IL17D: variants seen among roughly 807,000 people sequenced by gnomAD.
IL17D encodes interleukin-17D.
IL17D carries 10 observed loss-of-function variants against 5.7 expected under a neutral mutation model. The observed-to-expected ratio is 1.75, with a 90% CI of 1.08 to 2.97. The LOEUF is 2.97. IL17D is among the 30% of genes most tolerant of loss of function. The pLI, the probability that IL17D is intolerant of heterozygous loss-of-function variation, is 0.00. For missense variants in IL17D, 354 were observed against 292.7 expected (o/e 1.21, Z -1.53); for synonymous variants, 172 against 141.7 (o/e 1.21, Z -1.52).
At chr13:20,706,111 C>A (rs1309290681) in intron 1 of IL17D, among the ~76,000 whole-genome samples, 1 of 152,180 alleles carries the variant, frequency 6.6e-6, no homozygotes, top group African/African-American at 2.4e-5. Context: ...TGTGGCAGAG[C>A]CCCCTCAGAG....
At chr13:20,706,271 T>C (rs9506537) in intron 1 of IL17D, among the ~76,000 whole-genome samples, 98,272 of 152,154 alleles carry the variant, frequency 0.65, 33,129 homozygotes, top group Non-Finnish European at 0.75. Flanking sequence ...TTCCAGGACC[T>C]GAAGGGATGG....
rs1405764842 is a variant in IL17D, at chr13:20,718,754, GTGCTCACACACCCGCCCA to G, written c.291-2868_291-2851del. ...TGGCTACGCTCACACACACCTGCCTGTGCTCACACACCCGCCCATGCTCACACACCCACACACACCTGC... is the reference window on the plus strand; with the variant it reads ...TGGCTACGCTCACACACACCTGCCTGTGCTCACACACCCACACACACCTGC... On this transcript the variant is annotated intron_variant, in intron 1 of 1. Coordinates refer to ENST00000682841, the MANE Select transcript of IL17D (RefSeq NM_001385224.1). Among the ~76,000 whole-genome samples, 10 of 88,364 alleles carry G rather than the reference GTGCTCACACACCCGCCCA, an allele frequency of 1.1e-4. No homozygotes were observed. The South Asian group carries it at 2.9e-3, about 26-fold the overall frequency. 58.0% of individuals were successfully genotyped at this position (88,364 alleles called of 152,430 possible). A position where few individuals can be genotyped will look rare whatever the true frequency, so the allele number is the denominator to read the frequency against.
chr13:20,718,432 TCA>T (rs976752132), intron 1 of IL17D, among the ~76,000 whole-genome samples: 14 of 133,188 alleles, frequency 1.1e-4, no homozygotes, highest in East Asian at 4.4e-4. Flanking sequence ...GTGCCCGTGC[TCA>T]CACACCCGCC....
At chr13:20,719,302 C>T (rs1276928492) in intron 1 of IL17D, among the ~76,000 whole-genome samples, 1 of 148,426 alleles carries the variant, frequency 6.7e-6, no homozygotes, top group African/African-American at 2.5e-5. Context: ...CACCTGCCCA[C>T]ACTCACACCT....
At chr13:20,702,173 A>C (rs1418313117), upstream of IL17D, 1 of 152,246 alleles carries the variant, frequency 6.6e-6, no homozygotes, top group Non-Finnish European at 1.5e-5. Flanking sequence ...AACAAAGAAC[A>C]TGAACAATTT....
Position 20,704,170 on chromosome 13 carries a change from A to G in IL17D, c.169A>G (p.Thr57Ala). 1 of 1,372,148 alleles carries G rather than the reference A, an allele frequency of 7.3e-7. No individual in the cohort carries two copies. Among genetic ancestry groups the G allele is most frequent in the Non-Finnish European group, 9.5e-7 (1 of 1,055,634 alleles). 85.0% of individuals were successfully genotyped at this position (1,372,148 alleles called of 1,614,324 possible). The change falls in exon 1 of 2, where the codon ACG becomes GCG. Residue 57 changes from threonine (T) to alanine (A), a missense_variant. Thr to Ala is a moderately conservative substitution (Grantham distance 58). Coordinates refer to ENST00000682841, the MANE Select transcript of IL17D (RefSeq NM_001385224.1). ...CGGCGTGCTCAGTGCCTTCCACCAC[A>G]CGCTGCAGCTGGGGCCGCGTGAGCA... The part of the protein sequence containing the change: ...AAGVLSAFHH[T>A]LQLGPREQAR...
At chr13:20,708,740 C>A (rs1387612774) in intron 1 of IL17D, among the ~76,000 whole-genome samples, 1 of 150,568 alleles carries the variant, frequency 6.6e-6, no homozygotes, top group Non-Finnish European at 1.5e-5. Flanking sequence ...TGGCTCACGC[C>A]TGTAATCCCA....
At chr13:20,702,000 A>G (rs1209673003), upstream of IL17D, 1 of 152,252 alleles carries the variant, frequency 6.6e-6, no homozygotes, top group East Asian at 1.9e-4. Flanking sequence ...TAAGTCTGGT[A>G]CCATGTCACC....
At chr13:20,711,335 G>A (rs1366369069) in intron 1 of IL17D, among the ~76,000 whole-genome samples, 2 of 138,726 alleles carry the variant, frequency 1.4e-5, no homozygotes, top group East Asian at 6.1e-4. Flanking sequence ...CAAGGGTCTG[G>A]TGCTGGCATC....
In IL17D at chr13:20,703,979, CGTGGCCTGTCCCTCAG is replaced by C; in HGVS notation, c.-20_-5del. 1 of 1,006,330 alleles carries C rather than the reference CGTGGCCTGTCCCTCAG, an allele frequency of 9.9e-7. No homozygotes were observed. Among genetic ancestry groups the C allele is most frequent in the Non-Finnish European group, 1.2e-6 (1 of 845,384 alleles). 62.3% of individuals were successfully genotyped at this position (1,006,330 alleles called of 1,614,324 possible). On this transcript the variant is annotated 5_prime_UTR_variant, in exon 1 of 2. Coordinates refer to ENST00000682841, the MANE Select transcript of IL17D (RefSeq NM_001385224.1). ...TCCTCCGGCGCGTGCGGACGCTGAG[CGTGGCCTGTCCCTCAG>C]GTCTGGATGCTGGTAGCCGGCTTCC... is the stretch of plus-strand genomic sequence containing the variant.
intron 1 of IL17D, chr13:20,712,977 T>G (rs550093047): frequency 1.3e-5 from 2 of 149,640 alleles, no homozygotes; most frequent in East Asian, 4.1e-4. Flanking sequence ...CCCTCCCTTC[T>G]TTCCTTCCTT....
intron 1 of IL17D, among the ~76,000 whole-genome samples, chr13:20,718,766 C>T (rs1446108986): frequency 1.4e-5 from 2 of 143,498 alleles, no homozygotes; most frequent in Non-Finnish European, 3.0e-5. Context: ...GCTCACACAC[C>T]CGCCCATGCT....
At chr13:20,719,250 CA>C (rs2058712953) in intron 1 of IL17D, among the ~76,000 whole-genome samples, 1 of 150,748 alleles carries the variant, frequency 6.6e-6, no homozygotes, top group African/African-American at 2.4e-5. Context: ...CGCACCTGCC[CA>C]AACATGCCCA....
At chr13:20,706,309 C>G (rs1027145871) in intron 1 of IL17D, among the ~76,000 whole-genome samples, 2 of 152,208 alleles carry the variant, frequency 1.3e-5, no homozygotes, top group Non-Finnish European at 2.9e-5. Context: ...TCTCTAACCT[C>G]GTGTTATGCT....
Position 20,704,089 on chromosome 13 carries a change from G to C in IL17D, c.88G>C (p.Gly30Arg). Residue 30 changes from glycine to arginine, a missense_variant, in exon 1 of 2, where the codon GGC becomes CGC. Gly to Arg is a moderately radical substitution (Grantham distance 125). Transcript: ENST00000682841. ...GGGCAGGCGCCCCGCGCGGCCGCGGGGCTGCGCGGACCGGCCGGAGGAGCT... is the reference window on the plus strand; with the variant it reads ...GGGCAGGCGCCCCGCGCGGCCGCGGCGCTGCGCGGACCGGCCGGAGGAGCT... ...RAGRRPARPR[G>R]CADRPEELLE... 8.2e-7 allele frequency: 1 copy of C among 1,218,160 alleles called. No individual in the cohort carries two copies. The highest frequency in any genetic ancestry group is 2.2e-5 in the South Asian group (1 of 44,502). 75.5% of individuals were successfully genotyped at this position (1,218,160 alleles called of 1,614,324 possible).
chr13:20,712,062 C>T (rs2058642255), intron 1 of IL17D, among the ~76,000 whole-genome samples: 1 of 152,198 alleles, frequency 6.6e-6, no homozygotes, highest in South Asian at 2.1e-4. Flanking sequence ...GATATTGAAA[C>T]CCAGGGTCAC....
chr13:20,703,181 TG>T, upstream of IL17D: 1 of 696,400 alleles, frequency 1.4e-6, no homozygotes, highest in Non-Finnish European at 1.8e-6. Flanking sequence ...CCCCAGGCCC[TG>T]GGCGCCCCGC....
chr13:20,721,883 A>G lies in IL17D; in HGVS notation c.538A>G (p.Ile180Val). The G allele has an allele frequency of 1.2e-6, 2 of 1,609,932 alleles. No homozygotes were observed. The highest frequency in any genetic ancestry group is 1.7e-6 in the Non-Finnish European group (2 of 1,179,742). ...CGAGCCGGAGAAGGACGCAGACAGC[A>G]TCAACTCCAGCATCGACAAACAGGG... Reference protein sequence around the residue: ...VPEPEKDADSINSSIDKQGAK... With the variant: ...VPEPEKDADSVNSSIDKQGAK... Residue 180 changes from isoleucine (I) to valine (V), a missense_variant, in exon 2 of 2, where the codon ATC becomes GTC. Physicochemically the swap from Ile to Val is conservative, Grantham distance 29 (BLOSUM62 3). Coordinates refer to ENST00000682841, the MANE Select transcript of IL17D (RefSeq NM_001385224.1).
Position 20,716,171 on chromosome 13 carries a change from G to A in IL17D, c.291-5465G>A, listed in dbSNP as rs1446881330. 3.4e-6 allele frequency: 3 copies of A among 873,564 alleles called. No individual in the cohort carries two copies. Among genetic ancestry groups the A allele is most frequent in the East Asian group, 1.2e-4 (1 of 8,280 alleles). 54.1% of individuals were successfully genotyped at this position (873,564 alleles called of 1,614,324 possible). ...TTTTTCACAGGACTCTCAGCTCTTG[G>A]AGAGGGATGCTACATGTCCCTCAGT... On this transcript the variant is annotated intron_variant, in intron 1 of 1. Coordinates refer to ENST00000682841, the MANE Select transcript of IL17D (RefSeq NM_001385224.1). This position sits in a 1 kb window ranked among gnomAD's most constrained non-coding sequence, Gnocchi z 4.2.
Sources: gnomAD v4.1 joint callset for allele counts (sites outside exome capture counted in the v4.1 genomes callset) on GRCh38, gnomAD v4.1.1 for gene constraint, Gnocchi (gnomAD v3.1) non-coding constraint, MANE v1.5 for transcripts, NCBI Gene and HGNC (gene_info 2026-07-23, HGNC 2026-07-21) for gene names.